Variants in GRM1 observed in about 807,000 individuals in gnomAD.
GRM1 encodes metabotropic glutamate receptor 1.
In GRM1, 33 loss-of-function variants were observed where a neutral mutation model predicts 90.9. The ratio of observed to expected loss-of-function variants is 0.36; its 90% CI spans 0.28 to 0.49. GRM1 has a LOEUF of 0.49. GRM1 is among the 20% of genes least tolerant of loss of function. GRM1 has a pLI of 0.99. For missense variants in GRM1, 1,190 were observed against 1,534.3 expected (o/e 0.78, Z 3.75); for synonymous variants, 700 against 613.2 (o/e 1.14, Z -2.09).
chr6:146,119,890 G>C (rs2128876826), intron 1 of GRM1, among the ~76,000 whole-genome samples: 1 of 152,246 alleles, frequency 6.6e-6, no homozygotes, highest in East Asian at 1.9e-4. Context: ...CTCCAGCTTT[G>C]TTCTTTTGGC....
intron 2 of GRM1, among the ~76,000 whole-genome samples, chr6:146,165,962 T>A (rs1212383222): frequency 1.3e-5 from 2 of 152,042 alleles, no homozygotes; most frequent in African/African-American, 4.8e-5. Context: ...AAGATTCCAC[T>A]TTCATGGTCT....
intron 7 of GRM1, among the ~76,000 whole-genome samples, chr6:146,412,538 C>G (rs12202357): frequency 0.26 from 39,555 of 152,074 alleles, 6,497 homozygotes; most frequent in Non-Finnish European, 0.36. Context: ...TGGCATCATA[C>G]TGTTCTAAGA....
intron 1 of GRM1, among the ~76,000 whole-genome samples, chr6:146,141,062 G>A (rs1017900305): frequency 2.0e-5 from 3 of 152,114 alleles, no homozygotes; most frequent in Non-Finnish European, 4.4e-5. Flanking sequence ...GGACATGTCT[G>A]GTGTTGATGA....
intron 1 of GRM1, among the ~76,000 whole-genome samples, chr6:146,048,217 A>T (rs1399076143): frequency 6.6e-6 from 1 of 152,020 alleles, no homozygotes; most frequent in African/African-American, 2.4e-5. Context: ...ATAAGCAAAT[A>T]TTGTTTTGTT....
At chr6:146,031,016 C>T (rs1159568723) in intron 1 of GRM1, among the ~76,000 whole-genome samples, 1 of 152,048 alleles carries the variant, frequency 6.6e-6, no homozygotes, top group Admixed American at 6.5e-5. Flanking sequence ...TTATAAAATA[C>T]TAATGAATGG....
At chr6:146,186,832 T>C (rs1320656408) in intron 2 of GRM1, among the ~76,000 whole-genome samples, 1 of 152,200 alleles carries the variant, frequency 6.6e-6, no homozygotes, top group Non-Finnish European at 1.5e-5. Context: ...TATGTGTCCA[T>C]TGGGCTATAG....
chr6:146,062,342 G>A (rs1368029977), intron 1 of GRM1, among the ~76,000 whole-genome samples: 4 of 128,502 alleles, frequency 3.1e-5, no homozygotes, highest in African/African-American at 1.0e-4. Context: ...AGGGCCTGTT[G>A]GGGGGTAGGG....
chr6:146,192,591 A>G (rs1778968777), intron 2 of GRM1, among the ~76,000 whole-genome samples: 1 of 152,178 alleles, frequency 6.6e-6, no homozygotes, highest in Admixed American at 6.5e-5. Flanking sequence ...TGTTCCCTTC[A>G]TTATTGCCAT....
intron 7 of GRM1, among the ~76,000 whole-genome samples, chr6:146,419,461 A>G (rs1777909984): frequency 6.6e-6 from 1 of 152,234 alleles, no homozygotes. Context: ...ATTATCTGCA[A>G]CAGTGTTTCC....
intron 2 of GRM1, among the ~76,000 whole-genome samples, chr6:146,223,973 T>C (rs1241775922): frequency 6.6e-6 from 1 of 152,084 alleles, no homozygotes; most frequent in Non-Finnish European, 1.5e-5. Flanking sequence ...TTCCTGACAT[T>C]ATAGCAGATC....
intron 2 of GRM1, among the ~76,000 whole-genome samples, chr6:146,205,057 T>G (rs1199681762): frequency 1.3e-5 from 2 of 152,234 alleles, no homozygotes; most frequent in African/African-American, 4.8e-5. Context: ...TCCAATGACT[T>G]CATTTATATT....
chr6:146,380,792 A>T (rs925496397), intron 5 of GRM1, among the ~76,000 whole-genome samples: 4 of 151,952 alleles, frequency 2.6e-5, no homozygotes, highest in African/African-American at 7.3e-5. Context: ...CCTGTGTATC[A>T]CTGTTGGTTA....
At chr6:146,331,779 A>G (rs925645289) in intron 3 of GRM1, among the ~76,000 whole-genome samples, 1 of 152,156 alleles carries the variant, frequency 6.6e-6, no homozygotes, top group Non-Finnish European at 1.5e-5. Context: ...AAAAAATTCT[A>G]ATCCCAAACA....
chr6:146,269,274 T>C (rs2114816103), intron 2 of GRM1, among the ~76,000 whole-genome samples: 1 of 152,356 alleles, frequency 6.6e-6, no homozygotes, highest in East Asian at 1.9e-4. Flanking sequence ...TTTCATGTTA[T>C]ACTTGAATGA....
At chr6:146,279,608 G>T (rs192441667) in intron 2 of GRM1, among the ~76,000 whole-genome samples, 92 of 152,116 alleles carry the variant, frequency 6.0e-4, no homozygotes, top group African/African-American at 2.0e-3. Flanking sequence ...AAAATATTTG[G>T]TGATTTTTCC....
At chr6:146,109,263 C>T (rs1358033928) in intron 1 of GRM1, among the ~76,000 whole-genome samples, 1 of 152,130 alleles carries the variant, frequency 6.6e-6, no homozygotes, top group Non-Finnish European at 1.5e-5. Context: ...ATTTTGTGGG[C>T]AGGGCTCAGG....
chr6:146,060,892 C>A (rs1226520800), intron 1 of GRM1, among the ~76,000 whole-genome samples: 2 of 152,142 alleles, frequency 1.3e-5, no homozygotes, highest in African/African-American at 4.8e-5. Context: ...TCCCTTTTCA[C>A]CACAACCTTG....
rs1776894374 is a variant in GRM1 at position 146,141,965 on chromosome 6, G to A, written c.701-17383G>A. 1.3e-5 allele frequency among the ~76,000 whole-genome samples: 2 copies of A among 152,112 alleles called. 1 individual carries two copies. Among genetic ancestry groups the A allele is most frequent in the South Asian group, 4.2e-4 (2 of 4,816 alleles). On this transcript the variant is annotated intron_variant, in intron 1 of 7. Coordinates refer to ENST00000282753, the MANE Select transcript of GRM1 (RefSeq NM_001278064.2). ...GCTTGTGGAATTTTGTTGGTGGCTG[G>A]ATATTGAAGAGTTAGATATTATAGT...
intron 1 of GRM1, among the ~76,000 whole-genome samples, chr6:146,124,649 T>C (rs184850307): frequency 6.6e-6 from 1 of 152,312 alleles, no homozygotes; most frequent in East Asian, 1.9e-4. Flanking sequence ...TACAACCATA[T>C]ACCTATATAC....
Sources: allele counts gnomAD v4.1 joint callset (sites outside exome capture counted in the v4.1 genomes callset), GRCh38; gene constraint gnomAD v4.1.1; transcripts MANE v1.5; gene names NCBI Gene and HGNC (gene_info 2026-07-23, HGNC 2026-07-21).